Variants in SEMA3E observed in about 807,000 individuals in gnomAD.
SEMA3E encodes semaphorin 3E.
Under a neutral mutation model 93.6 loss-of-function variants are expected in SEMA3E, and 49 were observed. The observed-to-expected ratio is 0.52, with a 90% CI of 0.42 to 0.66. SEMA3E has a LOEUF of 0.66. SEMA3E is among the 30% of genes least tolerant of loss of function. The pLI, the probability that SEMA3E is intolerant of heterozygous loss-of-function variation, is 0.00. For synonymous variants in SEMA3E, 363 were observed against 330.7 expected (o/e 1.10, Z -1.06); for missense variants, 906 against 964.8 (o/e 0.94, Z 0.81).
chr7:83,426,702 G>A (rs1440483230), intron 4 of SEMA3E, among the ~76,000 whole-genome samples: 1 of 152,034 alleles, frequency 6.6e-6, no homozygotes, highest in African/African-American at 2.4e-5. Flanking sequence ...ATACAAAAAC[G>A]TTGTTGCAGA....
intron 4 of SEMA3E, among the ~76,000 whole-genome samples, chr7:83,446,560 A>T (rs1317684844): frequency 1.3e-5 from 2 of 152,194 alleles, no homozygotes; most frequent in Non-Finnish European, 2.9e-5. Context: ...GCTGAGGATG[A>T]AGATCAAATT....
intron 1 of SEMA3E, among the ~76,000 whole-genome samples, chr7:83,629,803 T>G (rs1333313658): frequency 2.0e-5 from 3 of 152,148 alleles, no homozygotes; most frequent in Non-Finnish European, 4.4e-5. Flanking sequence ...CGAACGGATC[T>G]GCCTCACTGG....
intron 4 of SEMA3E, among the ~76,000 whole-genome samples, chr7:83,426,427 T>A (rs1349930817): frequency 6.6e-6 from 1 of 152,076 alleles, no homozygotes; most frequent in Non-Finnish European, 1.5e-5. Flanking sequence ...GCAGAAACAT[T>A]AATGCAGCTG....
intron 4 of SEMA3E, among the ~76,000 whole-genome samples, chr7:83,433,913 C>T (rs1001416164): frequency 1.3e-5 from 2 of 152,022 alleles, no homozygotes; most frequent in Admixed American, 6.5e-5. Context: ...AATCAAACCT[C>T]ATTATTTTGG....
At chr7:83,616,604 A>T (rs1793372187) in intron 1 of SEMA3E, 1 of 371,516 alleles carries the variant, frequency 2.7e-6, no homozygotes, top group Non-Finnish European at 5.3e-6. Context: ...CTTCTACTTT[A>T]TTCTTGCCTT....
chr7:83,495,322 C>T (rs944178766), intron 1 of SEMA3E, among the ~76,000 whole-genome samples: 1 of 151,780 alleles, frequency 6.6e-6, no homozygotes, highest in African/African-American at 2.4e-5. Context: ...GAAAGTGACT[C>T]ACATGACTGG....
intron 1 of SEMA3E, among the ~76,000 whole-genome samples, chr7:83,631,843 G>A (rs772418017): frequency 1.9e-4 from 29 of 152,240 alleles, no homozygotes; most frequent in South Asian, 4.1e-4. Flanking sequence ...CTGTCAACTC[G>A]GGTGGCTTTA....
intron 1 of SEMA3E, among the ~76,000 whole-genome samples, chr7:83,518,327 G>A (rs1389955711): frequency 6.6e-6 from 1 of 151,520 alleles, no homozygotes; most frequent in Non-Finnish European, 1.5e-5. Context: ...GAAAAAAAAA[G>A]ATAGCAGATG....
chr7:83,598,118 C>T (rs1194815291), intron 1 of SEMA3E, among the ~76,000 whole-genome samples: 1 of 152,092 alleles, frequency 6.6e-6, no homozygotes, highest in Non-Finnish European at 1.5e-5. Flanking sequence ...TTATTCTCAT[C>T]AATATGGAGA....
chr7:83,545,552 G>GAAAAAAAAAA (rs3068645), intron 1 of SEMA3E, among the ~76,000 whole-genome samples: 55 of 86,276 alleles, frequency 6.4e-4, no homozygotes, highest in Non-Finnish European at 8.0e-4. Flanking sequence ...GAAGAGAAAT[G>GAAAAAAAAAA]AAAAAAAAAA....
At chr7:83,487,240 A>T (rs1177341560) in intron 2 of SEMA3E, among the ~76,000 whole-genome samples, 2 of 152,114 alleles carry the variant, frequency 1.3e-5, no homozygotes, top group Non-Finnish European at 2.9e-5. Flanking sequence ...TATGGTCCAC[A>T]TAGGAAACAA....
chr7:83,495,632 G>GA (rs1040816854), intron 1 of SEMA3E, among the ~76,000 whole-genome samples: 2 of 151,652 alleles, frequency 1.3e-5, no homozygotes, highest in Non-Finnish European at 2.9e-5. Context: ...TTAATATGTT[G>GA]AAAAAAACTA....
intron 4 of SEMA3E, among the ~76,000 whole-genome samples, chr7:83,456,761 C>A (rs564569661): frequency 6.6e-6 from 1 of 151,834 alleles, no homozygotes; most frequent in African/African-American, 2.4e-5. Context: ...TTACAGATGC[C>A]GGCCACCATG....
intron 1 of SEMA3E, among the ~76,000 whole-genome samples, chr7:83,564,798 A>G (rs965188882): frequency 1.3e-5 from 2 of 152,234 alleles, no homozygotes; most frequent in African/African-American, 4.8e-5. Context: ...GTTGGCTAAA[A>G]AAAGGATACA....
chr7:83,475,621 G>T (rs529929215), intron 2 of SEMA3E, among the ~76,000 whole-genome samples: 44 of 148,896 alleles, frequency 3.0e-4, no homozygotes, highest in African/African-American at 1.1e-3. Flanking sequence ...CAAGGACACT[G>T]ATGGAAACAA....
intron 1 of SEMA3E, among the ~76,000 whole-genome samples, chr7:83,590,871 AT>A (rs1422544557): frequency 2.6e-5 from 4 of 152,144 alleles, no homozygotes; most frequent in African/African-American, 7.2e-5. Context: ...ACCTTCCCAT[AT>A]GTTAACTCAT....
At chr7:83,474,110 A>AGG (rs1562798139) in intron 2 of SEMA3E, among the ~76,000 whole-genome samples, 7 of 151,444 alleles carry the variant, frequency 4.6e-5, no homozygotes, top group Admixed American at 1.3e-4. Context: ...AAAAAAAAAA[A>AGG]AAAAAAGAAA....
chr7:83,428,088 A>C (rs1788809235), intron 4 of SEMA3E, among the ~76,000 whole-genome samples: 1 of 152,172 alleles, frequency 6.6e-6, no homozygotes. Context: ...CTAAAATATA[A>C]ATGGTAGATC....
At chr7:83,484,286 C>A (rs893233978) in intron 2 of SEMA3E, among the ~76,000 whole-genome samples, 1 of 152,060 alleles carries the variant, frequency 6.6e-6, no homozygotes, top group African/African-American at 2.4e-5. Context: ...AATAATAAAA[C>A]CCTAGCTGCT....
Sources: gnomAD v4.1 joint callset for allele counts (sites outside exome capture counted in the v4.1 genomes callset) on GRCh38, gnomAD v4.1.1 for gene constraint, MANE v1.5 for transcripts, NCBI Gene and HGNC (gene_info 2026-07-23, HGNC 2026-07-21) for gene names.